IMMP2L: variants seen among roughly 807,000 people sequenced by gnomAD.
IMMP2L encodes the protein inner mitochondrial membrane peptidase subunit 2.
IMMP2L carries 18 observed loss-of-function variants against 19.3 expected under a neutral mutation model. The observed-to-expected ratio is 0.93, with a 90% CI of 0.64 to 1.38. The LOEUF is 1.38. IMMP2L is among the 40% of genes most tolerant of loss of function. IMMP2L has a pLI of 0.00. For missense variants in IMMP2L, 233 were observed against 218.2 expected (o/e 1.07, Z -0.43); for synonymous variants, 76 against 73.0 (o/e 1.04, Z -0.21).
chr7:111,295,159 C>T (rs1367383610), intron 3 of IMMP2L, among the ~76,000 whole-genome samples: 1 of 151,848 alleles, frequency 6.6e-6, no homozygotes, highest in South Asian at 2.1e-4. Flanking sequence ...ACTGAAGTTA[C>T]TACTTACTTC....
At chr7:110,927,420 G>A (rs906780212) in intron 4 of IMMP2L, among the ~76,000 whole-genome samples, 3 of 152,100 alleles carry the variant, frequency 2.0e-5, no homozygotes, top group Admixed American at 6.6e-5. Context: ...AATTAGGGTT[G>A]GAGATGGAAT....
chr7:111,237,915 C>T (rs1034423934), intron 3 of IMMP2L, among the ~76,000 whole-genome samples: 1 of 151,982 alleles, frequency 6.6e-6, no homozygotes, highest in Non-Finnish European at 1.5e-5. Flanking sequence ...ATAATGGTAT[C>T]TATCCAATAA....
At chr7:111,057,003 G>A (rs1793571503) in intron 3 of IMMP2L, among the ~76,000 whole-genome samples, 1 of 152,046 alleles carries the variant, frequency 6.6e-6, no homozygotes, top group Non-Finnish European at 1.5e-5. Flanking sequence ...TATTAAGTTG[G>A]ATTTCACTTC....
chr7:110,816,418 G>T (rs1802522219), intron 5 of IMMP2L, among the ~76,000 whole-genome samples: 1 of 151,860 alleles, frequency 6.6e-6, no homozygotes, highest in Non-Finnish European at 1.5e-5. Flanking sequence ...GGTGTGGTGT[G>T]GTGCTGAGAA....
intron 4 of IMMP2L, among the ~76,000 whole-genome samples, chr7:110,960,665 T>C (rs1474514909): frequency 6.6e-6 from 1 of 151,568 alleles, no homozygotes; most frequent in African/African-American, 2.4e-5. Context: ...GATAGGCTCT[T>C]GAAAAAAAAA....
At chr7:111,078,431 T>TAA in intron 3 of IMMP2L, among the ~76,000 whole-genome samples, 1 of 152,220 alleles carries the variant, frequency 6.6e-6, no homozygotes, top group Non-Finnish European at 1.5e-5. Context: ...ATTATCTGCA[T>TAA]TATTCACAAT....
intron 5 of IMMP2L, among the ~76,000 whole-genome samples, chr7:110,835,410 C>G (rs1019700246): frequency 2.0e-5 from 3 of 152,060 alleles, no homozygotes; most frequent in African/African-American, 7.2e-5. Context: ...GTCCTCAGAT[C>G]TCTCAGATGA....
intron 3 of IMMP2L, among the ~76,000 whole-genome samples, chr7:111,439,723 A>C (rs780836483): frequency 2.0e-5 from 3 of 151,846 alleles, no homozygotes; most frequent in Non-Finnish European, 4.4e-5. Context: ...CAATTTCTTA[A>C]AACAAGACAA....
intron 2 of IMMP2L, among the ~76,000 whole-genome samples, chr7:111,498,586 A>C (rs905640038): frequency 1.3e-5 from 2 of 152,140 alleles, no homozygotes; most frequent in African/African-American, 4.8e-5. Context: ...TCAACAAATA[A>C]CAAAGATTTT....
intron 5 of IMMP2L, among the ~76,000 whole-genome samples, chr7:110,714,663 C>A (rs1158855562): frequency 6.6e-6 from 1 of 152,096 alleles, no homozygotes; most frequent in African/African-American, 2.4e-5. Flanking sequence ...GTGGTGCGAT[C>A]TCGGCTCACT....
intron 1 of IMMP2L, among the ~76,000 whole-genome samples, chr7:111,529,216 T>TA (rs780723556): frequency 2.1e-4 from 32 of 152,170 alleles, no homozygotes; most frequent in Non-Finnish European, 2.6e-4. Context: ...CGGATCTTTC[T>TA]AGCAGCCCCT....
intron 4 of IMMP2L, among the ~76,000 whole-genome samples, chr7:110,955,039 C>T (rs2129554617): frequency 1.3e-5 from 2 of 151,936 alleles, no homozygotes; most frequent in South Asian, 4.2e-4. Flanking sequence ...GTTTTTTAAT[C>T]GACATTTTTC....
chr7:111,047,535 T>C (rs966436279), intron 3 of IMMP2L, among the ~76,000 whole-genome samples: 3 of 152,140 alleles, frequency 2.0e-5, no homozygotes, highest in South Asian at 2.1e-4. Context: ...GATTTCAAGA[T>C]ACAACCTTGA....
intron 3 of IMMP2L, among the ~76,000 whole-genome samples, chr7:111,112,516 C>T (rs1468889351): frequency 6.6e-6 from 1 of 152,156 alleles, no homozygotes; most frequent in African/African-American, 2.4e-5. Context: ...TAAATATGGC[C>T]TCCATGTCTT....
chr7:110,667,405 C>G (rs939540930), intron 5 of IMMP2L, among the ~76,000 whole-genome samples: 1 of 152,172 alleles, frequency 6.6e-6, no homozygotes, highest in African/African-American at 2.4e-5. Flanking sequence ...AAGATGTCCA[C>G]ATCTTAATTG....
intron 3 of IMMP2L, among the ~76,000 whole-genome samples, chr7:110,999,692 A>T (rs558014480): frequency 6.6e-6 from 1 of 150,714 alleles, no homozygotes. Context: ...TGTTTATTTG[A>T]TCTTTTAACT....
intron 3 of IMMP2L, among the ~76,000 whole-genome samples, chr7:111,241,842 T>G (rs1430077327): frequency 6.6e-6 from 1 of 151,768 alleles, no homozygotes; most frequent in African/African-American, 2.4e-5. Context: ...GTAAATACAT[T>G]ACAGTGGGAA....
rs551770276 is a variant in IMMP2L at position 111,108,747 on chromosome 7, T to C, written c.240-145182A>G. On this transcript the variant is annotated intron_variant, in intron 3 of 5. Coordinates refer to ENST00000405709, the MANE Select transcript of IMMP2L (RefSeq NM_032549.4). ...GCTTACATCATCACTCAATAGTTCA[T>C]GCATACAAACCACATGAGTCAATTC... Among the ~76,000 whole-genome samples, 23 of 152,270 alleles carry C rather than the reference T, an allele frequency of 1.5e-4. No individual in the cohort carries two copies. The South Asian group carries it at 1.7e-3, about 11-fold the overall frequency.
At chr7:111,119,588 G>A (rs1236970543) in intron 3 of IMMP2L, among the ~76,000 whole-genome samples, 1 of 152,172 alleles carries the variant, frequency 6.6e-6, no homozygotes, top group Non-Finnish European at 1.5e-5. Context: ...CAAATTTGAT[G>A]TTAGTAAATA....
Sources: gnomAD v4.1 joint callset for allele counts (sites outside exome capture counted in the v4.1 genomes callset) on GRCh38, gnomAD v4.1.1 for gene constraint, MANE v1.5 for transcripts, NCBI Gene and HGNC (gene_info 2026-07-23, HGNC 2026-07-21) for gene names.